SIN3A: variants seen among roughly 807,000 people sequenced by gnomAD.
SIN3A encodes the protein SIN3 transcription regulator family member A.
In SIN3A, 14 loss-of-function variants were observed where a neutral mutation model predicts 146.1. The observed-to-expected ratio is 0.10, with a 90% CI of 0.06 to 0.15. The LOEUF (loss-of-function observed/expected upper bound fraction) is 0.15, where lower values mean the gene tolerates loss of function less well. Among genes scored for constraint, SIN3A ranks in the 10% least tolerant of loss-of-function variants. The probability of loss-of-function intolerance (pLI) is 1.00; values close to 1 mark genes in which losing one functional copy is unlikely to be tolerated. For synonymous variants in SIN3A, 572 were observed against 572.0 expected (o/e 1.00, Z 0.00); for missense variants, 1,028 against 1,576.0 (o/e 0.65, Z 5.89).
intron 17 of SIN3A, 146 bp from the exon 18 acceptor site, chr15:75,381,851 C>T (rs541625231): frequency 3.0e-6 from 2 of 656,262 alleles, no homozygotes; most frequent in South Asian, 1.9e-5. Flanking sequence ...TCTTGGGTGG[C>T]CAGTGATAAA....
intron 1 of SIN3A, among the ~76,000 whole-genome samples, chr15:75,430,978 G>A (rs1176412958): frequency 1.3e-5 from 2 of 151,978 alleles, no homozygotes; most frequent in South Asian, 2.1e-4. Flanking sequence ...GGGTTTCACC[G>A]AGTTACCCAG....
chr15:75,398,492 A>G (rs1012763236), intron 12 of SIN3A, among the ~76,000 whole-genome samples: 6 of 150,836 alleles, frequency 4.0e-5, no homozygotes, highest in African/African-American at 1.5e-4. Context: ...CCTGGTCAAC[A>G]TGGTGAAACC....
intron 14 of SIN3A, 101 bp downstream of exon 14, chr15:75,394,579 A>T: frequency 1.1e-6 from 1 of 912,868 alleles, no homozygotes; most frequent in Non-Finnish European, 1.7e-6. Flanking sequence ...AACAGGTCTT[A>T]GAGAGTCTCA....
intron 2 of SIN3A, 175 bp downstream of exon 2, chr15:75,430,012 T>G: frequency 1.7e-6 from 1 of 601,190 alleles, no homozygotes; most frequent in Non-Finnish European, 2.9e-6. Context: ...TCAAAGGTCA[T>G]GACAACATTC....
At chr15:75,455,440 G>A (rs1436655921), upstream of SIN3A, among the ~76,000 whole-genome samples, 2 of 152,086 alleles carry the variant, frequency 1.3e-5, no homozygotes, top group African/African-American at 4.8e-5. Flanking sequence ...TCTCCTGCCC[G>A]CCCCTTCTCC....
In SIN3A at chr15:75,407,439, T is replaced by C. The variant is rs560206275; in HGVS notation, c.1318-295A>G. On this transcript the variant is annotated intron_variant, in intron 8 of 20. Coordinates refer to ENST00000394947, the MANE Select transcript of SIN3A (RefSeq NM_001145358.2). Reference sequence around the variant, plus strand: ...CTGTGACAAACTTTTAGAATATCCTTACTTTTTCTAGGGGCCCAAAGTAAC... The same window carrying C: ...CTGTGACAAACTTTTAGAATATCCTCACTTTTTCTAGGGGCCCAAAGTAAC... Among the ~76,000 whole-genome samples, 154 of 152,332 alleles carry C rather than the reference T, an allele frequency of 1.0e-3. 1 individual carries two copies. The highest frequency in any genetic ancestry group is 2.8e-3 in the African/African-American group (116 of 41,572).
intron 13 of SIN3A, among the ~76,000 whole-genome samples, chr15:75,395,538 TA>T (rs1471102454): frequency 1.3e-5 from 2 of 152,192 alleles, no homozygotes; most frequent in East Asian, 3.9e-4. Context: ...AAATAAGAAT[TA>T]ATTTTTACCA....
At chr15:75,444,921 A>G (rs2074277976) in intron 1 of SIN3A, among the ~76,000 whole-genome samples, 1 of 152,214 alleles carries the variant, frequency 6.6e-6, no homozygotes, top group Non-Finnish European at 1.5e-5. Context: ...ATTTCCAAAG[A>G]AAAAGTTTTT....
intron 6 of SIN3A, 142 bp downstream of exon 6, chr15:75,411,350 C>G: frequency 1.1e-6 from 1 of 950,730 alleles, no homozygotes; most frequent in Non-Finnish European, 1.6e-6. Context: ...AACAAACAAA[C>G]TGGCTTTAAA....
At chr15:75,442,017 G>A (rs1287179205) in intron 1 of SIN3A, among the ~76,000 whole-genome samples, 1 of 150,066 alleles carries the variant, frequency 6.7e-6, no homozygotes, top group Non-Finnish European at 1.5e-5. Context: ...CTACTCGGGA[G>A]GCTGAGGCAG....
chr15:75,387,267 G>A (rs1043757876), intron 16 of SIN3A, among the ~76,000 whole-genome samples: 13 of 152,134 alleles, frequency 8.5e-5, no homozygotes, highest in African/African-American at 2.2e-4. Flanking sequence ...GCTCATGCCC[G>A]TAATCGCAGC....
chr15:75,415,992 A>G (rs1448343210), intron 3 of SIN3A: 3 of 341,214 alleles, frequency 8.8e-6, no homozygotes, highest in Non-Finnish European at 1.7e-5. Context: ...CAGGCACAGA[A>G]AGCTGAAGGT....
At chr15:75,389,010 C>G (rs2073146110) in intron 16 of SIN3A, among the ~76,000 whole-genome samples, 1 of 152,082 alleles carries the variant, frequency 6.6e-6, no homozygotes, top group Admixed American at 6.6e-5. Context: ...TTACAAGTTC[C>G]CAGGGTGCCA....
intron 1 of SIN3A, among the ~76,000 whole-genome samples, chr15:75,440,510 G>C (rs1215598568): frequency 3.3e-5 from 5 of 152,080 alleles, no homozygotes; most frequent in Non-Finnish European, 7.4e-5. Context: ...GGGATTACAG[G>C]TGTGAGCCAC....
chr15:75,419,154 C>T (rs1469548855), intron 3 of SIN3A: 2 of 152,120 alleles, frequency 1.3e-5, no homozygotes, highest in Non-Finnish European at 2.9e-5. Flanking sequence ...TATAGTTGGT[C>T]AATACCCACT....
rs753286676 is a variant in SIN3A, at chr15:75,411,530, T to C, written c.970A>G (p.Ile324Val). ...IKNRFQGQPD[I>V]YKAFLEILHT... is the part of the protein sequence containing the mutation. ...AAAATCTCCAGGAATGCTTTGTAGA[T>C]GTCTGGTTGGCCCTGAAATCTGTTC... Residue 324 changes from isoleucine (I) to valine (V), a missense_variant, in exon 6 of 21, where the codon ATC becomes GTC. By Grantham distance (29) the Ile-to-Val change is conservative. Around this residue, in one of 9 missense-constraint regions of SIN3A, gnomAD observed 14 missense variants for 54.4 expected, o/e 0.26. Transcript: ENST00000394947. The C allele has an allele frequency of 6.2e-7, 1 of 1,614,226 alleles. No homozygotes were observed. Among genetic ancestry groups the C allele is most frequent in the Non-Finnish European group, 8.5e-7 (1 of 1,180,042 alleles).
chr15:75,431,346 A>T (rs1016660850), intron 1 of SIN3A, among the ~76,000 whole-genome samples: 4 of 152,168 alleles, frequency 2.6e-5, no homozygotes, highest in African/African-American at 9.7e-5. Flanking sequence ...ATAAGAAGAG[A>T]TTCTCTTAGC....
chr15:75,446,977 C>A, intron 1 of SIN3A, among the ~76,000 whole-genome samples: 1 of 152,104 alleles, frequency 6.6e-6, no homozygotes, highest in East Asian at 1.9e-4. Flanking sequence ...CCATGTTAGC[C>A]AGGATGGTCT....
intron 18 of SIN3A, 106 bp downstream of exon 18, chr15:75,381,507 C>T: frequency 1.3e-6 from 1 of 781,434 alleles, no homozygotes; most frequent in Non-Finnish European, 2.2e-6. Flanking sequence ...GACCCTTAAA[C>T]AGGCCTGAGG....
Sources: allele counts gnomAD v4.1 joint callset (sites outside exome capture counted in the v4.1 genomes callset), GRCh38; gene constraint gnomAD v4.1.1; regional missense constraint gnomAD v4.1.1; transcripts MANE v1.5; gene names NCBI Gene and HGNC (gene_info 2026-07-23, HGNC 2026-07-21).